Variants in NPAS3 observed in about 807,000 individuals in gnomAD.
The protein encoded by NPAS3 is neuronal PAS domain protein 3.
A neutral mutation model predicts 73.1 loss-of-function variants in NPAS3; 14 were observed. The ratio of observed to expected loss-of-function variants is 0.19; its 90% CI spans 0.13 to 0.30. The LOEUF (loss-of-function observed/expected upper bound fraction) is 0.30, where lower values mean the gene tolerates loss of function less well. Among genes scored for constraint, NPAS3 ranks in the 10% least tolerant of loss-of-function variants. NPAS3 has a pLI of 1.00. For synonymous variants in NPAS3, 620 were observed against 541.5 expected, an observed-to-expected ratio of 1.14 and a Z score of -2.01; for missense variants, 1,096 against 1,250.0, an observed-to-expected ratio of 0.88 and a Z score of 1.86.
At chr14:33,071,692 G>C (rs2041490397) in intron 2 of NPAS3, among the ~76,000 whole-genome samples, 1 of 152,096 alleles carries the variant, frequency 6.6e-6, no homozygotes, top group Admixed American at 6.5e-5. Flanking sequence ...CAGTGTGCTG[G>C]ATAAGGTCTT....
intron 4 of NPAS3, among the ~76,000 whole-genome samples, chr14:33,477,019 TC>T (rs1566936436): frequency 7.1e-6 from 1 of 140,170 alleles, no homozygotes; most frequent in African/African-American, 2.5e-5. Flanking sequence ...AATATTAATA[TC>T]TTGCTCTGTC....
chr14:33,404,935 C>T (rs1233436927), intron 4 of NPAS3, among the ~76,000 whole-genome samples: 1 of 152,064 alleles, frequency 6.6e-6, no homozygotes, highest in Non-Finnish European at 1.5e-5. Context: ...GTCTGTTTGT[C>T]CCATGTTGCT....
At chr14:33,363,754 A>G (rs940562900) in intron 3 of NPAS3, among the ~76,000 whole-genome samples, 3 of 152,158 alleles carry the variant, frequency 2.0e-5, no homozygotes, top group Non-Finnish European at 2.9e-5. Context: ...GCATTTAGTC[A>G]TGTTGAATTG....
chr14:33,008,901 G>T (rs1210230186), intron 1 of NPAS3, among the ~76,000 whole-genome samples: 2 of 152,120 alleles, frequency 1.3e-5, no homozygotes, highest in Non-Finnish European at 2.9e-5. Flanking sequence ...TTATACCTGT[G>T]CTTGTGTCAC....
At chr14:33,592,893 T>C (rs1029290424) in intron 5 of NPAS3, among the ~76,000 whole-genome samples, 4 of 152,182 alleles carry the variant, frequency 2.6e-5, no homozygotes, top group Non-Finnish European at 4.4e-5. Flanking sequence ...TCCCAGCAGA[T>C]TACTATGTTT....
chr14:33,381,896 G>C (rs2046570263), intron 4 of NPAS3, among the ~76,000 whole-genome samples: 1 of 152,136 alleles, frequency 6.6e-6, no homozygotes, highest in Admixed American at 6.6e-5. Context: ...CTCCTGCTGA[G>C]ACTTGCCATT....
chr14:33,449,961 T>A (rs1384913442), intron 4 of NPAS3, among the ~76,000 whole-genome samples: 1 of 152,176 alleles, frequency 6.6e-6, no homozygotes, highest in Non-Finnish European at 1.5e-5. Flanking sequence ...CAGAGGCAAG[T>A]CAGAAAATTA....
chr14:33,014,487 C>A (rs1008707510), intron 1 of NPAS3, among the ~76,000 whole-genome samples: 5 of 152,042 alleles, frequency 3.3e-5, no homozygotes, highest in Non-Finnish European at 7.4e-5. Context: ...ATTCTTCAGA[C>A]AATGATCACA....
intron 4 of NPAS3, among the ~76,000 whole-genome samples, chr14:33,506,923 T>A (rs560382518): frequency 6.6e-6 from 1 of 152,158 alleles, no homozygotes; most frequent in East Asian, 1.9e-4. Context: ...CCTATTCAAT[T>A]GTAAACTTTT....
chr14:33,644,868 G>C (rs926337511), intron 5 of NPAS3, among the ~76,000 whole-genome samples: 5 of 152,084 alleles, frequency 3.3e-5, no homozygotes, highest in African/African-American at 1.2e-4. Context: ...GGATCACAAG[G>C]TCAGGGGTTT....
At chr14:33,793,442 G>A (rs1024665376) in intron 9 of NPAS3, among the ~76,000 whole-genome samples, 1 of 152,206 alleles carries the variant, frequency 6.6e-6, no homozygotes, top group African/African-American at 2.4e-5. Flanking sequence ...TCACACGGAG[G>A]AGAAACGATC....
At chr14:33,010,939 A>AG (rs2039170197) in intron 1 of NPAS3, among the ~76,000 whole-genome samples, 1 of 41,180 alleles carries the variant, frequency 2.4e-5, no homozygotes, top group African/African-American at 6.5e-5. Flanking sequence ...AACCTGTCTC[A>AG]AAAAAAAAAA....
At chr14:33,690,536 C>T (rs2060207727) in intron 6 of NPAS3, among the ~76,000 whole-genome samples, 1 of 152,050 alleles carries the variant, frequency 6.6e-6, no homozygotes, top group Non-Finnish European at 1.5e-5. Flanking sequence ...CCAGTCGCTC[C>T]TGACAAGGTA....
intron 3 of NPAS3, among the ~76,000 whole-genome samples, chr14:33,338,253 GC>G (rs1376321277): frequency 2.0e-5 from 3 of 152,022 alleles, no homozygotes. Flanking sequence ...TTCTGTCTAA[GC>G]CTCTTTGCTT....
intron 9 of NPAS3, among the ~76,000 whole-genome samples, chr14:33,788,767 CA>C (rs1490918201): frequency 3.9e-5 from 6 of 152,082 alleles, no homozygotes; most frequent in African/African-American, 1.4e-4. Context: ...TGTCTGTGGA[CA>C]AAGTTTTCCC....
chr14:33,539,169 G>A (rs1274140209), intron 4 of NPAS3, among the ~76,000 whole-genome samples: 1 of 152,026 alleles, frequency 6.6e-6, no homozygotes, highest in Non-Finnish European at 1.5e-5. Context: ...GTGTGCATGG[G>A]CTGAGCCAGA....
At chr14:33,754,083 C>T (rs1044948057) in intron 7 of NPAS3, among the ~76,000 whole-genome samples, 27 of 152,130 alleles carry the variant, frequency 1.8e-4, no homozygotes, top group African/African-American at 6.5e-4. Context: ...GAGAAACATC[C>T]TCTTGGAGGT....
rs563038799 is a variant in NPAS3 at position 33,799,741 on chromosome 14, C to T, written c.1434C>T (p.Asn478=). ...GCCCCCCGCCCCACACAGAGGACAACGAGAACTCCAAGTCCGACGAGAAGG... is the reference window on the plus strand; with the variant it reads ...GCCCCCCGCCCCACACAGAGGACAATGAGAACTCCAAGTCCGACGAGAAGG... Residue 478 remains asparagine (N), a synonymous_variant, in exon 12 of 12, where the codon AAC becomes AAT. Coordinates refer to ENST00000356141, the Ensembl canonical transcript of NPAS3. The T allele has an allele frequency of 2.3e-5, 36 of 1,567,282 alleles. No homozygotes were observed. The East Asian group carries it at 7.7e-4, about 33-fold the overall frequency.
At chr14:33,180,784 G>A (rs1029010828) in intron 2 of NPAS3, among the ~76,000 whole-genome samples, 3 of 117,884 alleles carry the variant, frequency 2.5e-5, no homozygotes, top group African/African-American at 3.3e-5. Context: ...GGGCGACAGA[G>A]CGAGACACTG....
Sources: allele counts gnomAD v4.1 joint callset (sites outside exome capture counted in the v4.1 genomes callset), GRCh38; gene constraint gnomAD v4.1.1; transcripts MANE v1.5; gene names NCBI Gene and HGNC (gene_info 2026-07-23, HGNC 2026-07-21).